Variants in AKT2 observed in about 807,000 individuals in gnomAD.
AKT2 encodes the protein AKT serine/threonine kinase 2, also known as RAC-beta serine/threonine-protein kinase.
In AKT2, 16 loss-of-function variants were observed where a neutral mutation model predicts 58.6. The observed-to-expected ratio is 0.27, with a 90% confidence interval of 0.18 to 0.41. AKT2 has a LOEUF of 0.41. Ranked by LOEUF, AKT2 falls within the 10% of genes least tolerant of loss-of-function variation. The pLI is 1.00. For synonymous variants in AKT2, 253 were observed against 254.0 expected (o/e 1.00, Z 0.04); for missense variants, 438 against 661.0 (o/e 0.66, Z 3.70).
intron 1 of AKT2, chr19:40,274,876 C>T (rs1355791596): frequency 2.8e-6 from 1 of 357,020 alleles, no homozygotes; most frequent in African/African-American, 2.1e-5. Context: ...GGGGAACTAT[C>T]CGCCTGAGGC....
chr19:40,265,125 G>C (rs1976250740), intron 2 of AKT2, 97 bp downstream of exon 2: 2 of 1,535,916 alleles, frequency 1.3e-6, no homozygotes, highest in Non-Finnish European at 8.8e-7. Flanking sequence ...TGGCTCCTCA[G>C]GCTGGTAAGA....
At position 40,236,018 on chromosome 19, in the gene AKT2, G is replaced by A. The variant is rs1273031464; in HGVS notation, c.1047C>T (p.Pro349=). The change falls in exon 11 of 14, where the codon CCC becomes CCT. Residue 349 remains proline, a synonymous_variant. Transcript: ENST00000392038. ...GGCGCTCGTGGTCCTGGTTGTAGAAGGGCAGGCGGCCGCACATCATCTCGT... is the reference window on the plus strand; with the variant it reads ...GGCGCTCGTGGTCCTGGTTGTAGAAAGGCAGGCGGCCGCACATCATCTCGT... ...VMYEMMCGRL[P]FYNQDHERLF... 1.9e-6 allele frequency: 3 copies of A among 1,614,018 alleles called. No homozygotes were observed. The highest frequency in any genetic ancestry group is 2.2e-5 in the East Asian group (1 of 44,882).
chr19:40,270,036 G>A (rs1018433460), intron 1 of AKT2, among the ~76,000 whole-genome samples: 2 of 152,272 alleles, frequency 1.3e-5, no homozygotes, highest in African/African-American at 4.8e-5. Flanking sequence ...CAGGATACAT[G>A]GGGACGCCCC....
At chr19:40,244,954 C>T (rs757975848) in intron 4 of AKT2, among the ~76,000 whole-genome samples, 10 of 152,252 alleles carry the variant, frequency 6.6e-5, no homozygotes, top group East Asian at 1.9e-4. Flanking sequence ...CATCCCACAA[C>T]GCACCCTCTT....
intron 2 of AKT2, among the ~76,000 whole-genome samples, chr19:40,259,704 A>T (rs1212356332): frequency 1.3e-5 from 2 of 152,226 alleles, no homozygotes; most frequent in Non-Finnish European, 2.9e-5. Context: ...CAGAACACAT[A>T]AAGAACTCTT....
intron 4 of AKT2, among the ~76,000 whole-genome samples, chr19:40,251,291 T>G (rs969894292): frequency 6.6e-6 from 1 of 152,218 alleles, no homozygotes; most frequent in East Asian, 1.9e-4. Context: ...AAGACAGTCT[T>G]TGTCACAACT....
At position 40,235,490 on chromosome 19, in the gene AKT2, G is replaced by A; in HGVS notation, c.1176-140C>T. 1 of 832,682 alleles carries A rather than the reference G, an allele frequency of 1.2e-6. No homozygotes were observed. The highest frequency in any genetic ancestry group is 1.4e-5 in the South Asian group (1 of 69,552). The allele number at this position is 832,682 out of a possible 1,614,324, so 51.6% of individuals were successfully genotyped here. A position where few individuals can be genotyped will look rare whatever the true frequency, so the allele number is the denominator to read the frequency against. On this transcript the variant is annotated intron_variant, in intron 11 of 13. Transcript: ENST00000392038. This position sits in a 1 kb window ranked among gnomAD's most constrained non-coding sequence, Gnocchi z 6.3. ...CCACTTCACAGAGGAGGAAACCGAGGCTCAGGGAGGGAGCTCACGTGCCCA... is the reference window on the plus strand; with the variant it reads ...CCACTTCACAGAGGAGGAAACCGAGACTCAGGGAGGGAGCTCACGTGCCCA...
chr19:40,278,092 C>G (rs2077359086), intron 1 of AKT2, among the ~76,000 whole-genome samples: 1 of 152,180 alleles, frequency 6.6e-6, no homozygotes, highest in African/African-American at 2.4e-5. Context: ...TTCTGGATTA[C>G]TGAGGCCTAC....
At chr19:40,241,828 G>A (rs1001874683) in intron 6 of AKT2, 110 bp downstream of exon 6, 3 of 1,499,216 alleles carry the variant, frequency 2.0e-6, no homozygotes, top group Admixed American at 3.7e-5. Flanking sequence ...ATTTGTGGGG[G>A]AAATAAGCCC....
intron 4 of AKT2, 114 bp downstream of exon 4, chr19:40,255,044 G>A (rs531588681): frequency 5.0e-5 from 41 of 818,514 alleles, no homozygotes; most frequent in Middle Eastern, 4.5e-4. Context: ...AACCAGAAGC[G>A]CAGATAGGAA....
intron 2 of AKT2, among the ~76,000 whole-genome samples, chr19:40,258,083 C>A (rs563712588): frequency 2.8e-4 from 43 of 151,758 alleles, no homozygotes; most frequent in African/African-American, 9.9e-4. Context: ...CCCATCTCTA[C>A]TAAAAATACA....
At chr19:40,248,701 G>A (rs939757700) in intron 4 of AKT2, among the ~76,000 whole-genome samples, 1 of 152,236 alleles carries the variant, frequency 6.6e-6, no homozygotes, top group Non-Finnish European at 1.5e-5. Flanking sequence ...AGAATGGCTG[G>A]AGCCAACAGA....
chr19:40,255,007 T>C, intron 4 of AKT2, 151 bp downstream of exon 4: 1 of 650,848 alleles, frequency 1.5e-6, no homozygotes, highest in Admixed American at 2.2e-5. Context: ...CCCCAGCTCT[T>C]CTCAGCCCCA....
rs549648922 is a variant in AKT2, at chr19:40,240,064, G to C, written c.620C>G (p.Thr207Ser). The change falls in exon 7 of 14, where the codon ACC becomes AGC. Residue 207 changes from threonine to serine, a missense_variant. Coordinates refer to ENST00000392038, the MANE Select transcript of AKT2 (RefSeq NM_001626.6). ...TVTESRVLQN[T>S]RHPFLTALKY... Reference sequence around the variant, plus strand: ...ACTCACAGTGAGGAACGGGTGCCTGGTGTTCTGGAGGACCCGGCTCTCGGT... The same window carrying C: ...ACTCACAGTGAGGAACGGGTGCCTGCTGTTCTGGAGGACCCGGCTCTCGGT... 1 of 1,614,068 alleles carries C rather than the reference G, an allele frequency of 6.2e-7. No individual in the cohort carries two copies. The highest frequency in any genetic ancestry group is 1.7e-5 in the Admixed American group (1 of 60,028).
Position 40,235,010 on chromosome 19 carries a change from G to A in AKT2, c.1366+35C>T, listed in dbSNP as rs760813871. The A allele has an allele frequency of 4.4e-5, 69 of 1,570,630 alleles. No individual in the cohort carries two copies. The Admixed American group carries it at 1.1e-3, about 25-fold the overall frequency. ...CAGATCCCATCCCTCCACCCCTGGG[G>A]CAGGCACACCAGCGCGGGGGCCCCA... On this transcript the variant is annotated intron_variant, in intron 13 of 13. Transcript: ENST00000392038. The surrounding 1 kb of genome is among the most constrained non-coding windows in gnomAD (Gnocchi z 6.3).
intron 1 of AKT2, among the ~76,000 whole-genome samples, chr19:40,281,006 G>A (rs963823183): frequency 1.1e-4 from 16 of 152,322 alleles, no homozygotes; most frequent in East Asian, 1.9e-4. Flanking sequence ...TGGCACATAC[G>A]AGGTGTTCAG....
Position 40,233,688 on chromosome 19 carries a change from G to A in AKT2, c.*184C>T, listed in dbSNP as rs1265579564. On this transcript the variant is annotated 3_prime_UTR_variant, in exon 14 of 14. Coordinates refer to ENST00000392038, the MANE Select transcript of AKT2 (RefSeq NM_001626.6). The surrounding 1 kb of genome is among the most constrained non-coding windows in gnomAD (Gnocchi z 4.3). Reference sequence around the variant, plus strand: ...GTCTGGGCACAAAGGTGAGGCTGGAGGCTGGAGGCAGGGGCTGCAGGGGCC... The same window carrying A: ...GTCTGGGCACAAAGGTGAGGCTGGAAGCTGGAGGCAGGGGCTGCAGGGGCC... The A allele has an allele frequency of 5.2e-6, 4 of 769,422 alleles. No individual in the cohort carries two copies. The highest frequency in any genetic ancestry group is 2.4e-5 in the East Asian group (1 of 41,078). 47.7% of individuals were successfully genotyped at this position (769,422 alleles called of 1,614,324 possible).
chr19:40,253,019 A>T (rs1389725019), intron 4 of AKT2, among the ~76,000 whole-genome samples: 1 of 152,194 alleles, frequency 6.6e-6, no homozygotes, highest in Non-Finnish European at 1.5e-5. Flanking sequence ...TTATAGTAAC[A>T]AGTCTCATGA....
intron 7 of AKT2, chr19:40,239,775 G>A (rs1415749073): frequency 9.2e-6 from 6 of 655,702 alleles, no homozygotes; most frequent in Non-Finnish European, 1.4e-5. Context: ...CATAGAGACA[G>A]CAGCCAGCAA....
Sources: allele counts gnomAD v4.1 joint callset (sites outside exome capture counted in the v4.1 genomes callset), GRCh38; gene constraint gnomAD v4.1.1; non-coding constraint Gnocchi (gnomAD v3.1); transcripts MANE v1.5; gene names NCBI Gene and HGNC (gene_info 2026-07-23, HGNC 2026-07-21).